The following EML1 variants were observed in gnomAD, a reference collection of about 807,000 sequenced individuals.
EML1 encodes the protein EMAP like 1.
In EML1, 27 loss-of-function variants were observed where a neutral mutation model predicts 110.4. That is an observed-to-expected ratio of 0.24 (90% CI 0.18 to 0.34). EML1 has a LOEUF of 0.34. Among genes scored for constraint, EML1 ranks in the 10% least tolerant of loss-of-function variants. The pLI is 1.00. For synonymous variants in EML1, 344 were observed against 385.8 expected, an observed-to-expected ratio of 0.89 and a Z score of 1.27; for missense variants, 741 against 1,030.9, an observed-to-expected ratio of 0.72 and a Z score of 3.85.
intron 3 of EML1, among the ~76,000 whole-genome samples, chr14:99,871,414 G>T (rs141508457): frequency 6.6e-6 from 1 of 152,040 alleles, no homozygotes; most frequent in Admixed American, 6.5e-5. Context: ...TTGGGAAGTC[G>T]AGGCAGGAGG....
chr14:99,916,778 G>T (rs751900609), intron 15 of EML1, among the ~76,000 whole-genome samples: 2 of 152,090 alleles, frequency 1.3e-5, no homozygotes, highest in Non-Finnish European at 1.5e-5. Flanking sequence ...TCCAAAAAAC[G>T]ACTGGAGTGG....
chr14:99,754,793 C>A (rs566494169), intron 1 of EML1, among the ~76,000 whole-genome samples: 1 of 152,140 alleles, frequency 6.6e-6, no homozygotes, highest in Non-Finnish European at 1.5e-5. Flanking sequence ...GACTATGGAG[C>A]CCACGCAGTG....
intron 1 of EML1, among the ~76,000 whole-genome samples, chr14:99,849,264 T>C (rs898323349): frequency 4.6e-5 from 7 of 152,194 alleles, no homozygotes; most frequent in Non-Finnish European, 8.8e-5. Flanking sequence ...TAGTTTTTTC[T>C]CACGTGGTAC....
rs375831673 is a variant in EML1, at chr14:99,936,601, G to A, written c.2095+267G>A. ...AAGAAGGCCAAGCCCTGCAGAGGGGGGCTTGGGGCAGGCGGATGTGGCAGA... is the reference window on the plus strand; with the variant it reads ...AAGAAGGCCAAGCCCTGCAGAGGGGAGCTTGGGGCAGGCGGATGTGGCAGA... On this transcript the variant is annotated intron_variant, in intron 19 of 21. Transcript: ENST00000262233. The surrounding 1 kb of genome is among the most constrained non-coding windows in gnomAD (Gnocchi z 5.5). Among the ~76,000 whole-genome samples the A allele has an allele frequency of 4.6e-5, 7 of 152,314 alleles. No individual in the cohort carries two copies. Among genetic ancestry groups the A allele is most frequent in the African/African-American group, 1.7e-4 (7 of 41,576 alleles).
At chr14:99,915,978 C>G (rs1194766091) in intron 15 of EML1, among the ~76,000 whole-genome samples, 1 of 152,210 alleles carries the variant, frequency 6.6e-6, no homozygotes, top group Non-Finnish European at 1.5e-5. Flanking sequence ...TGGAAGGGCC[C>G]AAGGGGCAGG....
intron 1 of EML1, among the ~76,000 whole-genome samples, chr14:99,748,684 A>G (rs915600078): frequency 1.3e-5 from 2 of 152,194 alleles, no homozygotes; most frequent in Non-Finnish European, 2.9e-5. Flanking sequence ...CTAAAAATAA[A>G]TAAATCACAC....
chr14:99,778,365 A>G (rs1458976666), intron 1 of EML1, among the ~76,000 whole-genome samples: 4 of 151,780 alleles, frequency 2.6e-5, no homozygotes, highest in Non-Finnish European at 4.4e-5. Context: ...ACTGTCTTCT[A>G]TTTTCCATGT....
At chr14:99,807,862 C>T (rs1007745254) in intron 1 of EML1, among the ~76,000 whole-genome samples, 2 of 152,182 alleles carry the variant, frequency 1.3e-5, no homozygotes, top group Non-Finnish European at 1.5e-5. Context: ...TTGACTTATC[C>T]TCATTCCTGA....
chr14:99,895,317 T>C (rs2059653827), intron 6 of EML1, among the ~76,000 whole-genome samples: 1 of 152,108 alleles, frequency 6.6e-6, no homozygotes, highest in South Asian at 2.1e-4. Flanking sequence ...AATCTGCTCG[T>C]CTCAGCTTCC....
chr14:99,747,104 C>T lies in EML1; in HGVS notation c.28+9244C>T, dbSNP rs138651688. On this transcript the variant is annotated intron_variant, in intron 1 of 10. Transcript: ENST00000554479. ...TCAGAAGGCTGAGGGAGGAGAATGG[C>T]GTGAACCCAGGAGGTGGAGCTTGCA... is the stretch of plus-strand genomic sequence containing the variant. Among the ~76,000 whole-genome samples, 831 of 145,212 alleles carry T rather than the reference C, an allele frequency of 5.7e-3. 16 individuals are homozygous for T. Among genetic ancestry groups the T allele is most frequent in the Admixed American group, 0.038 (520 of 13,690 alleles).
At chr14:99,876,578 G>A (rs1330206189) in intron 3 of EML1, among the ~76,000 whole-genome samples, 6 of 152,088 alleles carry the variant, frequency 3.9e-5, no homozygotes, top group Non-Finnish European at 7.4e-5. Flanking sequence ...CTCCTCCCTC[G>A]GTGATTTCCT....
chr14:99,877,064 G>A (rs764767733), intron 3 of EML1, among the ~76,000 whole-genome samples: 8 of 152,132 alleles, frequency 5.3e-5, no homozygotes, highest in Non-Finnish European at 1.0e-4. Flanking sequence ...AGACTGGGAA[G>A]CTTATAAACA....
chr14:99,741,553 GT>G (rs2057042356), intron 1 of EML1, among the ~76,000 whole-genome samples: 2 of 152,094 alleles, frequency 1.3e-5, no homozygotes, highest in South Asian at 4.1e-4. Context: ...GCAAACATTA[GT>G]GGGGCCACCC....
chr14:99,804,874 G>A (rs998583753), intron 1 of EML1, among the ~76,000 whole-genome samples: 1 of 152,190 alleles, frequency 6.6e-6, no homozygotes, highest in African/African-American at 2.4e-5. Flanking sequence ...GACTCTTGGG[G>A]TTCAGGGCCG....
chr14:99,857,487 T>C (rs2058923959), intron 2 of EML1, among the ~76,000 whole-genome samples: 1 of 152,184 alleles, frequency 6.6e-6, no homozygotes, highest in African/African-American at 2.4e-5. Flanking sequence ...CATTGATTAT[T>C]AGTATAAGTT....
At chr14:99,913,429 G>A (rs958521304) in intron 13 of EML1, among the ~76,000 whole-genome samples, 4 of 151,796 alleles carry the variant, frequency 2.6e-5, no homozygotes, top group Non-Finnish European at 4.4e-5. Context: ...CACCTACCTC[G>A]GCCCCCCAAA....
intron 13 of EML1, among the ~76,000 whole-genome samples, chr14:99,913,699 G>GT (rs1454137655): frequency 2.0e-5 from 3 of 151,690 alleles, no homozygotes; most frequent in Non-Finnish European, 4.4e-5. Flanking sequence ...TGTGGTATCT[G>GT]TTTTTTTGAG....
At position 99,917,841 on chromosome 14, in the gene EML1, C is replaced by T. The variant is rs1323578012; in HGVS notation, c.1812C>T (p.Leu604=). 1 of 1,614,076 alleles carries T rather than the reference C, an allele frequency of 6.2e-7. No individual in the cohort carries two copies. The highest frequency in any genetic ancestry group is 8.5e-7 in the Non-Finnish European group (1 of 1,180,032). ...PSGSVVAVGT[L]TGRWFVFDTE... ...GGTCTGTGGTTGCAGTCGGAACACT[C>T]ACTGGGAGGTAAGTCCATGCCAACA... Residue 604 remains leucine, a synonymous_variant, in exon 16 of 22, where the codon CTC becomes CTT. Transcript: ENST00000262233.
chr14:99,814,723 C>A (rs971129425), intron 1 of EML1, among the ~76,000 whole-genome samples: 1 of 152,156 alleles, frequency 6.6e-6, no homozygotes, highest in African/African-American at 2.4e-5. Flanking sequence ...TCCAGTGAAT[C>A]CCACCCCAAA....
Sources: allele counts gnomAD v4.1 joint callset (sites outside exome capture counted in the v4.1 genomes callset), GRCh38; gene constraint gnomAD v4.1.1; non-coding constraint Gnocchi (gnomAD v3.1); transcripts MANE v1.5; gene names NCBI Gene and HGNC (gene_info 2026-07-23, HGNC 2026-07-21).